The following EFEMP1 variants were observed in gnomAD, a reference collection of about 807,000 sequenced individuals.
EFEMP1 encodes EGF-like fibulin extracellular matrix protein 1.
In EFEMP1, 18 loss-of-function variants were observed where a neutral mutation model predicts 65.7. The ratio of observed to expected loss-of-function variants is 0.27; its 90% CI spans 0.19 to 0.41. The LOEUF is 0.41. EFEMP1 is among the 10% of genes least tolerant of loss of function. The pLI, the probability that EFEMP1 is intolerant of heterozygous loss-of-function variation, is 1.00. For missense variants in EFEMP1, 469 were observed against 624.8 expected, an observed-to-expected ratio of 0.75 and a Z score of 2.66; for synonymous variants, 237 against 219.7, an observed-to-expected ratio of 1.08 and a Z score of -0.70.
At position 55,883,244 on chromosome 2, in the gene EFEMP1, ATTTTG is replaced by A. The variant is rs991541857; in HGVS notation, c.518-1515_518-1511del. 1.3e-5 allele frequency among the ~76,000 whole-genome samples: 2 copies of A among 151,976 alleles called. No individual in the cohort carries two copies. The highest frequency in any genetic ancestry group is 4.8e-5 in the African/African-American group (2 of 41,386). The stretch of plus-strand genomic sequence containing the variant: ...TAAAGTTTTGGCTAAGGTTTTTGTT[ATTTTG>A]TTTTGTTTTGAAATTTATTATAATT... On this transcript the variant is annotated intron_variant, in intron 5 of 11. Transcript: ENST00000355426. This position sits in a 1 kb window ranked among gnomAD's most constrained non-coding sequence, Gnocchi z 4.5.
chr2:55,895,352 T>A (rs1305126634), intron 5 of EFEMP1, among the ~76,000 whole-genome samples: 1 of 152,212 alleles, frequency 6.6e-6, no homozygotes, highest in Non-Finnish European at 1.5e-5. Context: ...TACATGGCCC[T>A]CTGCATCAGC....
intron 5 of EFEMP1, among the ~76,000 whole-genome samples, chr2:55,908,618 T>C (rs971131889): frequency 6.6e-6 from 1 of 152,172 alleles, no homozygotes; most frequent in Non-Finnish European, 1.5e-5. Context: ...AGTGAAGTAA[T>C]GGTTATGTTA....
At chr2:55,878,894 T>C (rs1669135160) in intron 6 of EFEMP1, among the ~76,000 whole-genome samples, 1 of 152,190 alleles carries the variant, frequency 6.6e-6, no homozygotes. Context: ...CAAGTAAACA[T>C]AAATGGGAGC....
rs1439230001 is a variant in EFEMP1, at chr2:55,923,268, A to G, written c.-48-329T>C. ...GAACCAGGGATCGCACCGCAGCCCA[A>G]GGTACCAGTTTCGGGCGGGCGGCCT... On this transcript the variant is annotated intron_variant, in intron 1 of 11. Coordinates refer to ENST00000355426, the MANE Select transcript of EFEMP1 (RefSeq NM_001039348.3). The surrounding 1 kb of genome is among the most constrained non-coding windows in gnomAD (Gnocchi z 5.3). Among the ~76,000 whole-genome samples the G allele has an allele frequency of 1.3e-5, 2 of 152,162 alleles. No individual in the cohort carries two copies. The highest frequency in any genetic ancestry group is 3.9e-4 in the East Asian group (2 of 5,168).
At chr2:55,881,242 A>G (rs73940332) in intron 6 of EFEMP1, among the ~76,000 whole-genome samples, 1,592 of 152,314 alleles carry the variant, frequency 0.01, 30 homozygotes, top group African/African-American at 0.035. Flanking sequence ...CATTTGCTCT[A>G]TGTGCTGTGC....
intron 9 of EFEMP1, among the ~76,000 whole-genome samples, chr2:55,874,318 CTT>C (rs879842405): frequency 6.9e-6 from 1 of 143,932 alleles, no homozygotes; most frequent in Non-Finnish European, 1.5e-5. Context: ...AGGTAGGGTC[CTT>C]TTTTTTTTTA....
intron 5 of EFEMP1, among the ~76,000 whole-genome samples, chr2:55,906,143 G>GCTTA (rs2104434176): frequency 6.6e-6 from 1 of 150,978 alleles, no homozygotes; most frequent in African/African-American, 2.4e-5. Context: ...TTTACCATTA[G>GCTTA]CTTACCCCCC....
intron 6 of EFEMP1, 139 bp downstream of exon 6, chr2:55,881,473 G>A (rs56104529): frequency 0.026 from 28,267 of 1,075,844 alleles, 685 homozygotes; most frequent in South Asian, 0.084. Context: ...GTGGAAAATG[G>A]ATTGGTAGTC....
At chr2:55,916,702 C>T (rs2104450568) in intron 5 of EFEMP1, among the ~76,000 whole-genome samples, 1 of 152,322 alleles carries the variant, frequency 6.6e-6, no homozygotes, top group African/African-American at 2.4e-5. Context: ...TCTACCTAAT[C>T]AGCCTCTGGC....
rs987111945 is a variant in EFEMP1, at chr2:55,866,701, T to C, written c.*372A>G. ...ACCCTTGCATGCTATTCAATGGTTA[T>C]GATGGCTGCCTCCTTATGAGACTGT... is the stretch of plus-strand genomic sequence containing the variant. On this transcript the variant is annotated 3_prime_UTR_variant, in exon 12 of 12. Coordinates refer to ENST00000355426, the MANE Select transcript of EFEMP1 (RefSeq NM_001039348.3). 6 of 199,716 alleles carry C rather than the reference T, an allele frequency of 3.0e-5. No homozygotes were observed. The South Asian group carries it at 5.0e-4, about 17-fold the overall frequency. The allele number at this position is 199,716 out of a possible 1,614,324, so 12.4% of individuals were successfully genotyped here. A position where few individuals can be genotyped will look rare whatever the true frequency, so the allele number is the denominator to read the frequency against.
intron 5 of EFEMP1, among the ~76,000 whole-genome samples, chr2:55,899,478 C>T (rs1669953143): frequency 1.3e-5 from 2 of 152,068 alleles, no homozygotes; most frequent in African/African-American, 4.8e-5. Context: ...AGAAGTATAT[C>T]CTAAACTTAC....
intron 5 of EFEMP1, among the ~76,000 whole-genome samples, chr2:55,887,462 T>C (rs1210489998): frequency 2.0e-5 from 3 of 152,142 alleles, no homozygotes; most frequent in African/African-American, 7.2e-5. Flanking sequence ...ATTATCAACA[T>C]TTTTTTGTCA....
intron 5 of EFEMP1, among the ~76,000 whole-genome samples, chr2:55,888,872 C>T (rs1196577264): frequency 2.0e-5 from 3 of 152,140 alleles, no homozygotes; most frequent in South Asian, 2.1e-4. Flanking sequence ...ATTAAGATCC[C>T]GCCCTATTAT....
intron 5 of EFEMP1, among the ~76,000 whole-genome samples, chr2:55,889,339 C>G (rs1669547067): frequency 6.6e-6 from 1 of 152,188 alleles, no homozygotes; most frequent in African/African-American, 2.4e-5. Flanking sequence ...CTTGGCAATA[C>G]TTCTCCAACT....
At chr2:55,909,620 C>T (rs1313099313) in intron 5 of EFEMP1, among the ~76,000 whole-genome samples, 2 of 152,166 alleles carry the variant, frequency 1.3e-5, no homozygotes, top group South Asian at 2.1e-4. Flanking sequence ...ATCATTCTCT[C>T]CCAAATGCCC....
chr2:55,879,946 T>C (rs932004434), intron 6 of EFEMP1, among the ~76,000 whole-genome samples: 5 of 152,196 alleles, frequency 3.3e-5, no homozygotes, highest in Non-Finnish European at 7.3e-5. Flanking sequence ...CTAATTATAT[T>C]TGGGTAAATC....
chr2:55,912,655 G>A (rs1247075125), intron 5 of EFEMP1, among the ~76,000 whole-genome samples: 2 of 152,130 alleles, frequency 1.3e-5, no homozygotes, highest in African/African-American at 4.8e-5. Flanking sequence ...TATGTACACT[G>A]TAATTTGTTC....
At chr2:55,898,742 T>G (rs1669925976) in intron 5 of EFEMP1, among the ~76,000 whole-genome samples, 1 of 152,142 alleles carries the variant, frequency 6.6e-6, no homozygotes, top group Admixed American at 6.5e-5. Context: ...AACCAAGAAT[T>G]CTGGGTCCTA....
intron 4 of EFEMP1, 41 bp from the exon 5 acceptor site, chr2:55,918,092 G>A (rs376100057): frequency 1.9e-6 from 3 of 1,613,888 alleles, no homozygotes; most frequent in Admixed American, 1.7e-5. Flanking sequence ...CTTCTAAGAG[G>A]GAAAAATCAA....
Sources: gnomAD v4.1 joint callset for allele counts (sites outside exome capture counted in the v4.1 genomes callset) on GRCh38, gnomAD v4.1.1 for gene constraint, Gnocchi (gnomAD v3.1) non-coding constraint, MANE v1.5 for transcripts, NCBI Gene and HGNC (gene_info 2026-07-23, HGNC 2026-07-21) for gene names.